MSR1: variants seen among roughly 807,000 people sequenced by gnomAD.
MSR1 encodes macrophage scavenger receptor 1, also known as macrophage scavenger receptor types I and II.
A neutral mutation model predicts 47.2 loss-of-function variants in MSR1; 53 were observed. The ratio of observed to expected loss-of-function variants is 1.12; its 90% CI spans 0.90 to 1.41. The LOEUF (loss-of-function observed/expected upper bound fraction) is 1.41, where lower values mean the gene tolerates loss of function less well. Ranked by LOEUF, MSR1 falls within the 40% of genes most tolerant of loss-of-function variation. The pLI is 0.00. For missense variants in MSR1, 786 were observed against 546.9 expected (o/e 1.44, Z -4.36); for synonymous variants, 239 against 185.6 (o/e 1.29, Z -2.34).
chr8:16,155,154 A>C lies in MSR1; in HGVS notation c.818-10T>G, dbSNP rs1800969853. On this transcript the variant is annotated splice_polypyrimidine_tract_variant and intron_variant, in intron 5 of 9. Transcript: ENST00000262101. ...GGGGGTCCAGGAGGACCTTTAAAAA[A>C]ATTACAGTTACTGATCATAGTTGTA... 6 of 1,603,960 alleles carry C rather than the reference A, an allele frequency of 3.7e-6. No individual in the cohort carries two copies. In the South Asian group the frequency reaches 5.5e-5, roughly 15 times the overall value.
At chr8:16,137,782 C>A (rs1310934578) in intron 8 of MSR1, among the ~76,000 whole-genome samples, 1 of 151,942 alleles carries the variant, frequency 6.6e-6, no homozygotes, top group Admixed American at 6.6e-5. Flanking sequence ...CGCTTGAGGC[C>A]AAGAGTTTGC....
chr8:16,120,750 T>A, intron 8 of MSR1, 144 bp from the exon 9 acceptor site: 1 of 1,049,838 alleles, frequency 9.5e-7, no homozygotes, highest in Non-Finnish European at 1.3e-6. Context: ...GAATAAATAT[T>A]AAACTTTCTA....
intron 8 of MSR1, chr8:16,139,719 T>G (rs1205024274): frequency 1.2e-6 from 1 of 823,738 alleles, no homozygotes; most frequent in Non-Finnish European, 1.4e-6. Flanking sequence ...TTGGATAAAT[T>G]GCCCAAGCTC....
chr8:16,125,209 A>C (rs986084586), intron 8 of MSR1, among the ~76,000 whole-genome samples: 1 of 152,164 alleles, frequency 6.6e-6, no homozygotes, highest in Non-Finnish European at 1.5e-5. Flanking sequence ...ACTAAATGTC[A>C]ATTCAATTTA....
chr8:16,118,905 G>C (rs1799936717), intron 9 of MSR1, among the ~76,000 whole-genome samples: 2 of 152,036 alleles, frequency 1.3e-5, no homozygotes, highest in South Asian at 4.1e-4. Context: ...TTTACTTTTG[G>C]AGATAAATTT....
rs191330327 is a variant in MSR1, at chr8:16,172,431, G to A, written c.217+2756C>T. On this transcript the variant is annotated intron_variant, in intron 3 of 9. Transcript: ENST00000262101. ...ATGTTAACTTTTTATCATATATCTAGGTAAAGAATGCCAGGATTTATATTT... is the reference window on the plus strand; with the variant it reads ...ATGTTAACTTTTTATCATATATCTAAGTAAAGAATGCCAGGATTTATATTT... 8.5e-5 allele frequency among the ~76,000 whole-genome samples: 13 copies of A among 152,066 alleles called. 1 individual carries two copies. The highest frequency in any genetic ancestry group is 2.0e-4 in the Admixed American group (3 of 15,278).
chr8:16,166,577 A>T (rs1415062451), intron 4 of MSR1, among the ~76,000 whole-genome samples: 1 of 152,012 alleles, frequency 6.6e-6, no homozygotes, highest in East Asian at 1.9e-4. Context: ...ATTTCAAAAA[A>T]TCCTATATAG....
At chr8:16,160,835 C>T (rs1276326483) in intron 5 of MSR1, among the ~76,000 whole-genome samples, 1 of 151,810 alleles carries the variant, frequency 6.6e-6, no homozygotes, top group African/African-American at 2.4e-5. Context: ...CCAAGCTAGG[C>T]AGAAGGATGA....
At chr8:16,175,375 C>T in intron 2 of MSR1, 75 bp from the exon 3 acceptor site, 1 of 1,165,792 alleles carries the variant, frequency 8.6e-7, no homozygotes, top group East Asian at 2.4e-5. Context: ...TTTTAATCTC[C>T]AATTATATTC....
At chr8:16,151,298 A>G (rs78765496) in intron 6 of MSR1, among the ~76,000 whole-genome samples, 317 of 152,226 alleles carry the variant, frequency 2.1e-3, no homozygotes, top group African/African-American at 6.5e-3. Flanking sequence ...TCAACTAAAA[A>G]TCAAGGATGT....
rs375765119 is a variant in MSR1, at chr8:16,175,182, G to A, written c.217+5C>T. On this transcript the variant is annotated splice_donor_5th_base_variant and intron_variant, in intron 3 of 9. Transcript: ENST00000262101. ...ACTAAATTTCAAAACTCTGGGTTAC[G>A]TTACCTGCCACTATTCCAATGAGAG... The A allele has an allele frequency of 1.6e-5, 26 of 1,611,056 alleles. No homozygotes were observed. The East Asian group carries it at 2.2e-4, about 14-fold the overall frequency.
At position 16,155,051 on chromosome 8, in the gene MSR1, A is replaced by G. The variant is rs776463523; in HGVS notation, c.898+13T>C. The G allele has an allele frequency of 6.2e-6, 10 of 1,605,108 alleles. No individual in the cohort carries two copies. Among genetic ancestry groups the G allele is most frequent in the Non-Finnish European group, 8.5e-6 (10 of 1,172,438 alleles). On this transcript the variant is annotated intron_variant, in intron 6 of 9. Coordinates refer to ENST00000262101, the MANE Select transcript of MSR1 (RefSeq NM_138715.3). ...CTTCACAGTATATGATTAAATAGCTAAAATTACCATACCTATTGGACCTGG... is the reference window on the plus strand; with the variant it reads ...CTTCACAGTATATGATTAAATAGCTGAAATTACCATACCTATTGGACCTGG...
chr8:16,134,931 C>T (rs1800354168), intron 8 of MSR1, among the ~76,000 whole-genome samples: 1 of 152,166 alleles, frequency 6.6e-6, no homozygotes, highest in African/African-American at 2.4e-5. Context: ...GGCTCTACCT[C>T]TCTTCAATTC....
intron 1 of MSR1, among the ~76,000 whole-genome samples, chr8:16,184,069 A>T (rs1801922884): frequency 1.3e-5 from 2 of 151,486 alleles, no homozygotes; most frequent in African/African-American, 4.8e-5. Flanking sequence ...GTTAAAAAGC[A>T]TGAAGGTATG....
chr8:16,162,237 T>G (rs576234530), intron 5 of MSR1, among the ~76,000 whole-genome samples: 1 of 152,070 alleles, frequency 6.6e-6, no homozygotes, highest in South Asian at 2.1e-4. Flanking sequence ...AGGGGACCAA[T>G]TTTTTCAGCA....
At chr8:16,162,175 A>G (rs1349631746) in intron 5 of MSR1, among the ~76,000 whole-genome samples, 1 of 152,036 alleles carries the variant, frequency 6.6e-6, no homozygotes, top group African/African-American at 2.4e-5. Flanking sequence ...AAAGAGAATG[A>G]CAAACAGATT....
At chr8:16,140,620 G>A (rs1458194705) in intron 8 of MSR1, 1 of 1,114,286 alleles carries the variant, frequency 9.0e-7, no homozygotes, top group Middle Eastern at 3.9e-4. Flanking sequence ...AAGTTAGGGT[G>A]AGAACACAGC....
chr8:16,179,770 G>A lies in MSR1; in HGVS notation c.-4-1778C>T, dbSNP rs143646904. Among the ~76,000 whole-genome samples, 581 of 151,064 alleles carry A rather than the reference G, an allele frequency of 3.8e-3. 18 individuals are homozygous for A. In the East Asian group the frequency reaches 0.095, roughly 25 times the overall value. ...GTGGCACCTGTAATCCCAGCTATTCGGGAGGCTGAGGCAGTAAAATCGCTT... is the reference window on the plus strand; with the variant it reads ...GTGGCACCTGTAATCCCAGCTATTCAGGAGGCTGAGGCAGTAAAATCGCTT... On this transcript the variant is annotated intron_variant, in intron 1 of 9. Coordinates refer to ENST00000262101, the MANE Select transcript of MSR1 (RefSeq NM_138715.3).
At chr8:16,186,770 T>A (rs1051170435) in intron 1 of MSR1, among the ~76,000 whole-genome samples, 1 of 141,044 alleles carries the variant, frequency 7.1e-6, no homozygotes, top group Non-Finnish European at 1.5e-5. Context: ...TAGCTGGGTC[T>A]ACGGGTGCAT....
Sources: allele counts gnomAD v4.1 joint callset (sites outside exome capture counted in the v4.1 genomes callset), GRCh38; gene constraint gnomAD v4.1.1; transcripts MANE v1.5; gene names NCBI Gene and HGNC (gene_info 2026-07-23, HGNC 2026-07-21).